Variants in ASIC2 observed in about 807,000 individuals in gnomAD.
ASIC2 encodes acid sensing ion channel subunit 2, also known as acid-sensing ion channel 2.
Under a neutral mutation model 57.3 loss-of-function variants are expected in ASIC2, and 25 were observed. The ratio of observed to expected loss-of-function variants is 0.44; its 90% CI spans 0.32 to 0.61. ASIC2 has a LOEUF of 0.61. ASIC2 is among the 20% of genes least tolerant of loss of function. The pLI, the probability that ASIC2 is intolerant of heterozygous loss-of-function variation, is 0.06. For synonymous variants in ASIC2, 319 were observed against 307.5 expected, an observed-to-expected ratio of 1.04 and a Z score of -0.39; for missense variants, 641 against 738.1, an observed-to-expected ratio of 0.87 and a Z score of 1.52.
chr17:33,397,674 C>T (rs1014697907), intron 1 of ASIC2, among the ~76,000 whole-genome samples: 2 of 152,114 alleles, frequency 1.3e-5, no homozygotes, highest in Non-Finnish European at 2.9e-5. Context: ...CAAGAGATAG[C>T]CCTTGGAACC....
At chr17:33,488,471 A>G (rs911620129) in intron 1 of ASIC2, among the ~76,000 whole-genome samples, 1 of 152,140 alleles carries the variant, frequency 6.6e-6, no homozygotes, top group Non-Finnish European at 1.5e-5. Flanking sequence ...TTTTATTTTT[A>G]AGTCCAGAAA....
intron 1 of ASIC2, among the ~76,000 whole-genome samples, chr17:33,655,599 G>C (rs1156437947): frequency 6.6e-6 from 1 of 152,160 alleles, no homozygotes; most frequent in Non-Finnish European, 1.5e-5. Flanking sequence ...TTCTTGAATT[G>C]CTTGACTGTT....
chr17:33,432,641 C>T (rs955527208), intron 1 of ASIC2, among the ~76,000 whole-genome samples: 11 of 152,246 alleles, frequency 7.2e-5, no homozygotes, highest in Non-Finnish European at 1.2e-4. Flanking sequence ...ATATAACATA[C>T]AAACCGTATT....
At chr17:33,634,476 T>G (rs1345189016) in intron 1 of ASIC2, among the ~76,000 whole-genome samples, 1 of 152,152 alleles carries the variant, frequency 6.6e-6, no homozygotes. Flanking sequence ...CCTATGAGGC[T>G]TGATACTGGA....
intron 1 of ASIC2, among the ~76,000 whole-genome samples, chr17:33,327,137 C>A (rs1907111859): frequency 6.6e-6 from 1 of 152,216 alleles, no homozygotes; most frequent in Admixed American, 6.5e-5. Flanking sequence ...TTCCTTGTAT[C>A]ACCCTCAATC....
chr17:34,028,182 C>T (rs1907450379), intron 1 of ASIC2, among the ~76,000 whole-genome samples: 1 of 151,938 alleles, frequency 6.6e-6, no homozygotes, highest in Non-Finnish European at 1.5e-5. Flanking sequence ...TGCCCCCCAG[C>T]CTTAGAAGCA....
chr17:33,980,024 G>C (rs74622286), intron 1 of ASIC2, among the ~76,000 whole-genome samples: 3 of 152,170 alleles, frequency 2.0e-5, no homozygotes, highest in Middle Eastern at 3.4e-3. Context: ...TCTGAGCTGG[G>C]CTCCAGCTGG....
chr17:34,080,560 C>T (rs1007187146), intron 1 of ASIC2, among the ~76,000 whole-genome samples: 3 of 152,136 alleles, frequency 2.0e-5, no homozygotes, highest in Non-Finnish European at 4.4e-5. Context: ...GTTGGGCTCA[C>T]AAAAGAACAT....
chr17:33,246,789 G>A (rs1012965467), intron 1 of ASIC2, among the ~76,000 whole-genome samples: 4 of 152,188 alleles, frequency 2.6e-5, no homozygotes, highest in Admixed American at 6.5e-5. Context: ...TTCAGGGAGA[G>A]GGAAGCTCAG....
intron 1 of ASIC2, among the ~76,000 whole-genome samples, chr17:34,059,118 G>C (rs1908874520): frequency 6.6e-6 from 1 of 152,206 alleles, no homozygotes; most frequent in South Asian, 2.1e-4. Flanking sequence ...AGGACCCACA[G>C]ACCCTCTGAA....
chr17:33,142,253 G>T (rs549704859), intron 1 of ASIC2, among the ~76,000 whole-genome samples: 1 of 152,334 alleles, frequency 6.6e-6, no homozygotes, highest in South Asian at 2.1e-4. Flanking sequence ...GCTTTGAGAG[G>T]ATGTGCTCAG....
intron 1 of ASIC2, among the ~76,000 whole-genome samples, chr17:34,053,656 A>G (rs1908651778): frequency 6.6e-6 from 1 of 152,238 alleles, no homozygotes; most frequent in African/African-American, 2.4e-5. Flanking sequence ...ACATTTGGTA[A>G]TAAAAGGAAA....
At chr17:33,599,276 A>G (rs1217569843) in intron 1 of ASIC2, among the ~76,000 whole-genome samples, 1 of 152,228 alleles carries the variant, frequency 6.6e-6, no homozygotes. Flanking sequence ...GGGGAACAAA[A>G]GATACCTCTT....
intron 3 of ASIC2, among the ~76,000 whole-genome samples, chr17:33,088,318 TC>T (rs1031248787): frequency 6.6e-6 from 1 of 152,112 alleles, no homozygotes; most frequent in African/African-American, 2.4e-5. Context: ...GTGCCTGTCC[TC>T]CCTCCACCCA....
chr17:33,618,986 C>T (rs1212466766), intron 1 of ASIC2, among the ~76,000 whole-genome samples: 1 of 152,114 alleles, frequency 6.6e-6, no homozygotes, highest in Non-Finnish European at 1.5e-5. Context: ...GTGAATTTTT[C>T]CTGGAACCTT....
chr17:33,912,621 G>A (rs1479648714), intron 1 of ASIC2, among the ~76,000 whole-genome samples: 1 of 152,110 alleles, frequency 6.6e-6, no homozygotes, highest in Non-Finnish European at 1.5e-5. Flanking sequence ...TGAAACCTCT[G>A]ACTTAAGGGA....
chr17:33,291,499 G>A lies in ASIC2; in HGVS notation c.617C>T (p.Ala206Val), dbSNP rs1217832684. 1.2e-6 allele frequency: 2 copies of A among 1,612,734 alleles called. No homozygotes were observed. The highest frequency in any genetic ancestry group is 1.7e-5 in the Admixed American group (1 of 60,018). The stretch of plus-strand genomic sequence containing the variant: ...CTGGTGGCCCAGGCGGTCCATGAAG[G>A]CGGCGCTGATTCCCTCGAAGTGGCG... ...PPRHFEGISAAFMDRLGHQLE... is the reference protein window; with the variant it reads ...PPRHFEGISAVFMDRLGHQLE... The change falls in exon 1 of 10, where the codon GCC (alanine) becomes GTC (valine). Residue 206 changes from alanine to valine, a missense_variant. Transcript: ENST00000225823.
chr17:33,761,973 C>T (rs1288922226), intron 1 of ASIC2, among the ~76,000 whole-genome samples: 1 of 152,086 alleles, frequency 6.6e-6, no homozygotes, highest in Non-Finnish European at 1.5e-5. Context: ...AGCCAGCACT[C>T]TCTATGGTAG....
intron 1 of ASIC2, among the ~76,000 whole-genome samples, chr17:33,408,241 G>T (rs1567851241): frequency 3.3e-5 from 5 of 152,168 alleles, no homozygotes; most frequent in African/African-American, 1.2e-4. Context: ...GTTGCATTTT[G>T]TGGCTTTCCT....
Sources: allele counts gnomAD v4.1 joint callset (sites outside exome capture counted in the v4.1 genomes callset), GRCh38; gene constraint gnomAD v4.1.1; transcripts MANE v1.5; gene names NCBI Gene and HGNC (gene_info 2026-07-23, HGNC 2026-07-21).